The following STIM1 variants were observed in gnomAD, a reference collection of about 807,000 sequenced individuals.
STIM1 encodes stromal interaction molecule 1.
Under a neutral mutation model 74.7 loss-of-function variants are expected in STIM1, and 25 were observed. The observed-to-expected ratio is 0.33, with a 90% CI of 0.24 to 0.47. The LOEUF (loss-of-function observed/expected upper bound fraction) is 0.47, where lower values mean the gene tolerates loss of function less well. STIM1 is among the 20% of genes least tolerant of loss of function. The probability of loss-of-function intolerance (pLI) is 1.00; values close to 1 mark genes in which losing one functional copy is unlikely to be tolerated. For missense variants in STIM1, 728 were observed against 920.8 expected, an observed-to-expected ratio of 0.79 and a Z score of 2.71; for synonymous variants, 328 against 348.8, an observed-to-expected ratio of 0.94 and a Z score of 0.66.
chr11:3,895,392 C>G (rs576855271), intron 1 of STIM1, among the ~76,000 whole-genome samples: 33 of 152,148 alleles, frequency 2.2e-4, no homozygotes, highest in Non-Finnish European at 3.7e-4. Context: ...CAGTGTGGTT[C>G]AGGGCTGATT....
intron 1 of STIM1, among the ~76,000 whole-genome samples, chr11:3,933,363 TC>T (rs1294776111): frequency 6.6e-6 from 1 of 152,226 alleles, no homozygotes; most frequent in Non-Finnish European, 1.5e-5. Context: ...CATTTAATAC[TC>T]CCTGTAATGC....
chr11:4,073,234 C>T (rs2094416569), intron 6 of STIM1, among the ~76,000 whole-genome samples: 1 of 151,330 alleles, frequency 6.6e-6, no homozygotes, highest in Admixed American at 6.6e-5. Context: ...AATCTGGTCC[C>T]CTGGTAACCT....
intron 12 of STIM1, among the ~76,000 whole-genome samples, chr11:4,091,050 TCCTCCTG>T (rs1758426392): frequency 6.6e-6 from 1 of 151,922 alleles, no homozygotes; most frequent in African/African-American, 2.4e-5. Flanking sequence ...CCTCATTCCC[TCCTCCTG>T]CCTCCTCTCT....
At chr11:3,918,449 G>C (rs750286211) in intron 1 of STIM1, among the ~76,000 whole-genome samples, 1 of 151,554 alleles carries the variant, frequency 6.6e-6, no homozygotes, top group African/African-American at 2.4e-5. Flanking sequence ...TCAGGAGACT[G>C]AGCTTGAGCC....
intron 1 of STIM1, among the ~76,000 whole-genome samples, chr11:3,924,078 G>A (rs1159722617): frequency 1.3e-5 from 2 of 151,394 alleles, no homozygotes; most frequent in Admixed American, 1.3e-4. Flanking sequence ...CTGGGCTCAA[G>A]TGATTTTCCT....
chr11:3,971,113 C>T (rs2093388537), intron 2 of STIM1, among the ~76,000 whole-genome samples: 1 of 151,902 alleles, frequency 6.6e-6, no homozygotes, highest in Non-Finnish European at 1.5e-5. Context: ...TGGTGGCTGA[C>T]ACCTATAATC....
At chr11:4,080,467 G>GTTTTTTTT (rs753798798) in intron 7 of STIM1, among the ~76,000 whole-genome samples, 3 of 129,754 alleles carry the variant, frequency 2.3e-5, no homozygotes, top group Non-Finnish European at 3.2e-5. Flanking sequence ...TAACCAAACA[G>GTTTTTTTT]TTTTTTTTTT....
intron 1 of STIM1, among the ~76,000 whole-genome samples, chr11:3,946,561 A>G (rs995498): frequency 0.24 from 37,222 of 152,026 alleles, 5,663 homozygotes; most frequent in South Asian, 0.45. Flanking sequence ...GTTGGATTCT[A>G]GGTTCCTAAA....
chr11:3,890,806 C>T (rs1009286216), intron 1 of STIM1, among the ~76,000 whole-genome samples: 1 of 152,146 alleles, frequency 6.6e-6, no homozygotes, highest in African/African-American at 2.4e-5. Flanking sequence ...CCTGATTTTG[C>T]TTCTAGAAGG....
chr11:4,013,055 T>G (rs1378747583), intron 2 of STIM1, among the ~76,000 whole-genome samples: 1 of 152,242 alleles, frequency 6.6e-6, no homozygotes, highest in Non-Finnish European at 1.5e-5. Context: ...TGAACCAGCC[T>G]TGCATCCCAG....
At chr11:4,073,636 A>G (rs184074056) in intron 6 of STIM1, among the ~76,000 whole-genome samples, 6 of 152,306 alleles carry the variant, frequency 3.9e-5, no homozygotes, top group African/African-American at 1.4e-4. Context: ...ATTAACATAG[A>G]TAGCCGTGTG....
chr11:4,019,520 A>T (rs188476319), intron 2 of STIM1, among the ~76,000 whole-genome samples: 99 of 152,008 alleles, frequency 6.5e-4, no homozygotes, highest in African/African-American at 2.2e-3. Flanking sequence ...CAAAAAATTT[A>T]AAAAAATAGC....
At position 4,049,324 on chromosome 11, in the gene STIM1, A is replaced by ATTT. The variant is rs369097214; in HGVS notation, c.386-6186_386-6184dup. 1.6e-4 allele frequency among the ~76,000 whole-genome samples: 21 copies of ATTT among 133,886 alleles called. 2 individuals carry two copies. Among genetic ancestry groups the ATTT allele is most frequent in the Non-Finnish European group, 2.2e-4 (14 of 62,900 alleles). 87.8% of individuals were successfully genotyped at this position (133,886 alleles called of 152,430 possible). A position where few individuals can be genotyped will look rare whatever the true frequency, so the allele number is the denominator to read the frequency against. ...TCAGGGCTTAAATTATATCAGCTGGATTTTTTTTTTTTTTTTTTGAGACAG... is the reference window on the plus strand; with the variant it reads ...TCAGGGCTTAAATTATATCAGCTGGATTTTTTTTTTTTTTTTTTTTTGAGACAG... On this transcript the variant is annotated intron_variant, in intron 3 of 12. Coordinates refer to ENST00000526596, the MANE Select transcript of STIM1 (RefSeq NM_001382567.1).
chr11:3,856,476 G>A, intron 1 of STIM1, 67 bp downstream of exon 1: 3 of 1,562,908 alleles, frequency 1.9e-6, no homozygotes, highest in South Asian at 2.3e-5. Flanking sequence ...CCCGAAGTGG[G>A]CAAGTTGAAA....
At chr11:4,010,846 T>G (rs1423010980) in intron 2 of STIM1, among the ~76,000 whole-genome samples, 2 of 152,208 alleles carry the variant, frequency 1.3e-5, no homozygotes, top group Non-Finnish European at 2.9e-5. Flanking sequence ...ATTAGGTATT[T>G]CTTCTAATGC....
Position 4,083,282 on chromosome 11 carries a change from A to T in STIM1, c.1258A>T (p.Thr420Ser). ...LTAKQALSEV[T>S]AALRERLHRW... The stretch of plus-strand genomic sequence containing the variant: ...CTTCAGGCAAGCACTGAGCGAGGTG[A>T]CAGCAGCATTGCGGGAGCGCCTGCA... Residue 420 changes from threonine (T) to serine (S), a missense_variant, in exon 10 of 13, where the codon ACA becomes TCA. Physicochemically the swap from Thr to Ser is moderately conservative, Grantham distance 58. This residue lies in a region of STIM1 where 131 missense variants were observed against 235.9 expected (regional missense o/e 0.56). Transcript: ENST00000526596. 1 of 1,614,224 alleles carries T rather than the reference A, an allele frequency of 6.2e-7. No individual in the cohort carries two copies. The highest frequency in any genetic ancestry group is 2.2e-5 in the East Asian group (1 of 44,884).
At chr11:3,894,905 A>ATT (rs35236633) in intron 1 of STIM1, among the ~76,000 whole-genome samples, 33,453 of 113,052 alleles carry the variant, frequency 0.3, 6,151 homozygotes, top group African/African-American at 0.5. Flanking sequence ...CGCCTGGCTA[A>ATT]TTTTTTTTTT....
intron 1 of STIM1, among the ~76,000 whole-genome samples, chr11:3,927,330 C>A (rs1301101012): frequency 1.3e-5 from 2 of 152,132 alleles, no homozygotes; most frequent in Non-Finnish European, 1.5e-5. Flanking sequence ...ACATTTTCTA[C>A]CTCTGGATGG....
At chr11:3,868,562 G>A (rs1226983220) in intron 1 of STIM1, among the ~76,000 whole-genome samples, 1 of 152,198 alleles carries the variant, frequency 6.6e-6, no homozygotes, top group African/African-American at 2.4e-5. Flanking sequence ...TAGGCATTTT[G>A]ATTAAAAATT....
Sources: gnomAD v4.1 joint callset for allele counts (sites outside exome capture counted in the v4.1 genomes callset) on GRCh38, gnomAD v4.1.1 for gene constraint, gnomAD v4.1.1 regional missense constraint, MANE v1.5 for transcripts, NCBI Gene and HGNC (gene_info 2026-07-23, HGNC 2026-07-21) for gene names.